CDH13: variants seen among roughly 807,000 people sequenced by gnomAD.
The protein encoded by CDH13 is cadherin 13.
CDH13 carries 24 observed loss-of-function variants against 63.8 expected under a neutral mutation model. That is an observed-to-expected ratio of 0.38 (90% CI 0.27 to 0.53). CDH13 has a LOEUF of 0.53. CDH13 is among the 20% of genes least tolerant of loss of function. The pLI is 0.85. For missense variants in CDH13, 1,049 were observed against 903.1 expected, an observed-to-expected ratio of 1.16 and a Z score of -2.07; for synonymous variants, 503 against 355.3, an observed-to-expected ratio of 1.42 and a Z score of -4.67.
intron 3 of CDH13, among the ~76,000 whole-genome samples, chr16:83,069,181 C>T (rs555364808): frequency 3.3e-5 from 5 of 152,256 alleles, no homozygotes; most frequent in African/African-American, 1.2e-4. Context: ...TGTCAATGCG[C>T]ATTTTCCAAT....
chr16:83,185,131 G>T (rs964372059), intron 4 of CDH13, among the ~76,000 whole-genome samples: 1 of 151,982 alleles, frequency 6.6e-6, no homozygotes, highest in African/African-American at 2.4e-5. Flanking sequence ...GAATCCTAAG[G>T]GTCCTACAGC....
At chr16:82,863,844 C>T (rs2040032088) in intron 2 of CDH13, among the ~76,000 whole-genome samples, 1 of 152,116 alleles carries the variant, frequency 6.6e-6, no homozygotes, top group South Asian at 2.1e-4. Flanking sequence ...ATTTGAACTT[C>T]ATGGACCAGT....
At chr16:82,812,701 G>A (rs1387114367) in intron 1 of CDH13, among the ~76,000 whole-genome samples, 1 of 152,190 alleles carries the variant, frequency 6.6e-6, no homozygotes, top group African/African-American at 2.4e-5. Context: ...CTTTTAAGAA[G>A]TTTGGCGGCT....
At chr16:82,896,298 T>C (rs1190409234) in intron 2 of CDH13, among the ~76,000 whole-genome samples, 2 of 80,662 alleles carry the variant, frequency 2.5e-5, no homozygotes, top group Non-Finnish European at 5.5e-5. Context: ...TTTTTTTTTT[T>C]TTTTTTTTTT....
At chr16:83,337,208 A>G (rs371336649) in intron 5 of CDH13, among the ~76,000 whole-genome samples, 9 of 152,274 alleles carry the variant, frequency 5.9e-5, no homozygotes, top group Middle Eastern at 3.4e-3. Flanking sequence ...GATGGTTCAC[A>G]TTTCTACTGG....
intron 1 of CDH13, among the ~76,000 whole-genome samples, chr16:82,669,559 G>A (rs937333444): frequency 1.3e-5 from 2 of 152,138 alleles, no homozygotes; most frequent in Non-Finnish European, 2.9e-5. Flanking sequence ...AAATCCAGAA[G>A]GACTTAAATG....
intron 5 of CDH13, among the ~76,000 whole-genome samples, chr16:83,235,529 A>T (rs2040118213): frequency 6.6e-6 from 1 of 151,634 alleles, no homozygotes; most frequent in Non-Finnish European, 1.5e-5. Flanking sequence ...AATGACCAGT[A>T]ACACGGTTCT....
intron 4 of CDH13, among the ~76,000 whole-genome samples, chr16:83,191,207 C>T (rs564943693): frequency 4.2e-5 from 6 of 143,058 alleles, no homozygotes; most frequent in South Asian, 4.8e-4. Flanking sequence ...AAGGGTCATA[C>T]GAGATAATAC....
At chr16:82,640,886 C>T (rs1909314637) in intron 1 of CDH13, among the ~76,000 whole-genome samples, 1 of 152,174 alleles carries the variant, frequency 6.6e-6, no homozygotes, top group Non-Finnish European at 1.5e-5. Context: ...ATTTTTAAGG[C>T]ACTTTTGCTA....
chr16:82,699,057 A>G (rs1386392511), intron 1 of CDH13, among the ~76,000 whole-genome samples: 1 of 152,192 alleles, frequency 6.6e-6, no homozygotes, highest in African/African-American at 2.4e-5. Context: ...AGAAGAAAAA[A>G]CATCTTCATA....
chr16:83,406,626 C>T (rs1233191587), intron 6 of CDH13, among the ~76,000 whole-genome samples: 2 of 152,116 alleles, frequency 1.3e-5, no homozygotes, highest in Non-Finnish European at 2.9e-5. Flanking sequence ...CCACCACGGC[C>T]AGCTAATTTT....
At chr16:83,164,389 C>T (rs780518253) in intron 4 of CDH13, among the ~76,000 whole-genome samples, 1 of 151,984 alleles carries the variant, frequency 6.6e-6, no homozygotes, top group Non-Finnish European at 1.5e-5. Context: ...TCACAATCCA[C>T]GTCCCTCTGA....
At chr16:83,419,871 C>G (rs1438459460) in intron 6 of CDH13, among the ~76,000 whole-genome samples, 1 of 151,804 alleles carries the variant, frequency 6.6e-6, no homozygotes, top group East Asian at 1.9e-4. Flanking sequence ...ACACATTCAG[C>G]TCTACATAAT....
At chr16:83,383,232 G>C (rs2091603561) in intron 6 of CDH13, 1 of 152,208 alleles carries the variant, frequency 6.6e-6, no homozygotes, top group Non-Finnish European at 1.5e-5. Context: ...ATGATGCCAT[G>C]TTATCAGTGT....
intron 5 of CDH13, among the ~76,000 whole-genome samples, chr16:83,285,667 C>T (rs560042046): frequency 2.6e-5 from 4 of 152,098 alleles, no homozygotes; most frequent in South Asian, 2.1e-4. Flanking sequence ...GGTTGCATGC[C>T]GATACTTTGC....
intron 1 of CDH13, among the ~76,000 whole-genome samples, chr16:82,789,569 T>C (rs1399071077): frequency 2.0e-5 from 3 of 152,208 alleles, no homozygotes; most frequent in Non-Finnish European, 4.4e-5. Flanking sequence ...TCAAAGGCCA[T>C]TCTGGGCTGC....
intron 8 of CDH13, among the ~76,000 whole-genome samples, chr16:83,643,803 A>G (rs191386004): frequency 2.6e-5 from 4 of 152,276 alleles, no homozygotes; most frequent in Non-Finnish European, 2.9e-5. Context: ...ACTTACGTTA[A>G]TCATAATGTC....
chr16:83,251,524 AC>A (rs1283862220), intron 5 of CDH13, among the ~76,000 whole-genome samples: 1 of 152,186 alleles, frequency 6.6e-6, no homozygotes, highest in Non-Finnish European at 1.5e-5. Context: ...CCTATGGGAC[AC>A]ATGTCTGTTC....
At chr16:83,199,706 T>G (rs1234646489) in intron 4 of CDH13, among the ~76,000 whole-genome samples, 1 of 152,124 alleles carries the variant, frequency 6.6e-6, no homozygotes, top group Non-Finnish European at 1.5e-5. Flanking sequence ...TCGTTAACAT[T>G]TATTGAGTGC....
Sources: gnomAD v4.1 joint callset for allele counts (sites outside exome capture counted in the v4.1 genomes callset) on GRCh38, gnomAD v4.1.1 for gene constraint, MANE v1.5 for transcripts, NCBI Gene and HGNC (gene_info 2026-07-23, HGNC 2026-07-21) for gene names.